Variants in CDH4 observed in about 807,000 individuals in gnomAD.
The protein encoded by CDH4 is cadherin-4.
CDH4 carries 33 observed loss-of-function variants against 86.0 expected under a neutral mutation model. The observed-to-expected ratio is 0.38, with a 90% CI of 0.29 to 0.51. CDH4 has a LOEUF of 0.51. CDH4 is among the 20% of genes least tolerant of loss of function. The pLI is 0.86. For missense variants in CDH4, 1,114 were observed against 1,307.4 expected (o/e 0.85, Z 2.28); for synonymous variants, 555 against 549.4 (o/e 1.01, Z -0.14).
At chr20:61,891,087 A>C (rs566516177) in intron 7 of CDH4, among the ~76,000 whole-genome samples, 1 of 152,104 alleles carries the variant, frequency 6.6e-6, no homozygotes, top group African/African-American at 2.4e-5. Flanking sequence ...GGGACAACAC[A>C]CCCGCAAGCA....
intron 2 of CDH4, among the ~76,000 whole-genome samples, chr20:61,391,414 C>T (rs138775633): frequency 7.2e-5 from 11 of 152,194 alleles, no homozygotes; most frequent in South Asian, 6.2e-4. Context: ...GCACTTCCTG[C>T]GGTAGATGAG....
At chr20:61,581,930 C>A (rs2086432179) in intron 2 of CDH4, among the ~76,000 whole-genome samples, 1 of 152,212 alleles carries the variant, frequency 6.6e-6, no homozygotes, top group Non-Finnish European at 1.5e-5. Flanking sequence ...GCCACAGGCA[C>A]CTCCTCGGCC....
chr20:61,612,124 C>T (rs978597427), intron 2 of CDH4, among the ~76,000 whole-genome samples: 7 of 152,066 alleles, frequency 4.6e-5, no homozygotes, highest in African/African-American at 1.7e-4. Context: ...TGCATATTTT[C>T]AAGTACTTGC....
chr20:61,797,229 C>A (rs931306762), intron 4 of CDH4, among the ~76,000 whole-genome samples: 5 of 152,132 alleles, frequency 3.3e-5, no homozygotes, highest in Non-Finnish European at 7.4e-5. Flanking sequence ...ACCATCCATT[C>A]CGCAGGGTGG....
intron 2 of CDH4, among the ~76,000 whole-genome samples, chr20:61,677,712 G>T (rs918779988): frequency 7.9e-5 from 12 of 152,084 alleles, no homozygotes; most frequent in Non-Finnish European, 2.9e-5. Context: ...CGGATGGATG[G>T]ATGATAGAAG....
intron 11 of CDH4, among the ~76,000 whole-genome samples, chr20:61,924,809 T>A (rs1308525062): frequency 1.3e-5 from 2 of 152,204 alleles, no homozygotes. Flanking sequence ...GCACTGGTCA[T>A]CCCAGGCTTG....
chr20:61,727,324 G>A (rs778033063), intron 2 of CDH4, among the ~76,000 whole-genome samples: 1 of 151,090 alleles, frequency 6.6e-6, no homozygotes, highest in Admixed American at 6.6e-5. Context: ...CATCACCATC[G>A]GTGCCATCAT....
chr20:61,333,722 T>C (rs2084599373), intron 2 of CDH4, among the ~76,000 whole-genome samples: 1 of 152,210 alleles, frequency 6.6e-6, no homozygotes, highest in African/African-American at 2.4e-5. Context: ...GGTTGCGCTT[T>C]CAGGCGAAGA....
rs891346999 is a variant in CDH4, at chr20:61,516,207, G to C, written c.170-227356G>C. The stretch of plus-strand genomic sequence containing the variant: ...CCACCTCTCTTACCCTAGAAGCTGC[G>C]GCAGGTGTCCGCCCTGGGGACTAAG... On this transcript the variant is annotated intron_variant, in intron 2 of 15. Transcript: ENST00000614565. This position sits in a 1 kb window ranked among gnomAD's most constrained non-coding sequence, Gnocchi z 4.0. Among the ~76,000 whole-genome samples, 1 of 152,176 alleles carries C rather than the reference G, an allele frequency of 6.6e-6. No individual in the cohort carries two copies. The highest frequency in any genetic ancestry group is 1.5e-5 in the Non-Finnish European group (1 of 68,030).
chr20:61,651,126 C>T (rs954014192), intron 2 of CDH4, among the ~76,000 whole-genome samples: 5 of 151,810 alleles, frequency 3.3e-5, no homozygotes, highest in East Asian at 1.9e-4. Context: ...CGTGCTTGGC[C>T]GTGCACTGGT....
At chr20:61,855,877 T>C (rs1011520722) in intron 6 of CDH4, among the ~76,000 whole-genome samples, 4 of 152,206 alleles carry the variant, frequency 2.6e-5, no homozygotes, top group African/African-American at 9.6e-5. Flanking sequence ...GAAACGTCCA[T>C]GGACTCTCAG....
intron 2 of CDH4, among the ~76,000 whole-genome samples, chr20:61,494,084 C>A (rs190642432): frequency 6.6e-6 from 1 of 152,306 alleles, no homozygotes; most frequent in Admixed American, 6.5e-5. Context: ...TCATCACACA[C>A]AACTCCAGGA....
chr20:61,581,883 G>C (rs2086431676), intron 2 of CDH4, among the ~76,000 whole-genome samples: 1 of 152,116 alleles, frequency 6.6e-6, no homozygotes, highest in Admixed American at 6.5e-5. Flanking sequence ...AGCCCTTTCT[G>C]CTGAGCTCCC....
intron 2 of CDH4, among the ~76,000 whole-genome samples, chr20:61,354,096 C>A (rs572169057): frequency 6.6e-6 from 1 of 152,174 alleles, no homozygotes; most frequent in South Asian, 2.1e-4. Context: ...TCGAGAACGT[C>A]TAGGGATGTT....
chr20:61,410,010 G>T (rs1027892791), intron 2 of CDH4, among the ~76,000 whole-genome samples: 4 of 152,196 alleles, frequency 2.6e-5, no homozygotes, highest in African/African-American at 9.7e-5. Flanking sequence ...CCTGCCACAG[G>T]GTGTACAGTG....
intron 2 of CDH4, among the ~76,000 whole-genome samples, chr20:61,626,200 C>T (rs907750130): frequency 1.3e-5 from 2 of 152,170 alleles, no homozygotes; most frequent in African/African-American, 2.4e-5. Flanking sequence ...CAGAATTGAA[C>T]TGTCGACTGG....
intron 2 of CDH4, among the ~76,000 whole-genome samples, chr20:61,618,960 A>T (rs1304220579): frequency 6.6e-6 from 1 of 152,180 alleles, no homozygotes; most frequent in Non-Finnish European, 1.5e-5. Flanking sequence ...CCTCCCACAG[A>T]TACCTCAACA....
At chr20:61,868,470 C>G (rs913556064) in intron 6 of CDH4, among the ~76,000 whole-genome samples, 1 of 152,162 alleles carries the variant, frequency 6.6e-6, no homozygotes, top group Non-Finnish European at 1.5e-5. Context: ...ACCCGGACAG[C>G]TCCACAGTAT....
Position 61,709,610 on chromosome 20 carries a change from G to A in CDH4, c.170-33953G>A, listed in dbSNP as rs1394534130. 6.6e-6 allele frequency among the ~76,000 whole-genome samples: 1 copy of A among 150,828 alleles called. No homozygotes were observed. The highest frequency in any genetic ancestry group is 6.6e-5 in the Admixed American group (1 of 15,166). ...TGACAATTTTTTTTTTTTTATCGCT[G>A]GCTAATCACAGAGTGAGCAGAGGTG... On this transcript the variant is annotated intron_variant, in intron 2 of 15. Transcript: ENST00000614565. The surrounding 1 kb of genome is among the most constrained non-coding windows in gnomAD (Gnocchi z 4.8).
Sources: gnomAD v4.1 joint callset for allele counts (sites outside exome capture counted in the v4.1 genomes callset) on GRCh38, gnomAD v4.1.1 for gene constraint, Gnocchi (gnomAD v3.1) non-coding constraint, MANE v1.5 for transcripts, NCBI Gene and HGNC (gene_info 2026-07-23, HGNC 2026-07-21) for gene names.